SMARCAL1: variants seen among roughly 807,000 people sequenced by gnomAD.
SMARCAL1 encodes ATP-driven annealing helicase.
Under a neutral mutation model 94.5 loss-of-function variants are expected in SMARCAL1, and 58 were observed. That is an observed-to-expected ratio of 0.61 (90% CI 0.50 to 0.76). SMARCAL1 has a LOEUF of 0.76. SMARCAL1 is among the 30% of genes least tolerant of loss of function. The pLI is 0.00. For synonymous variants in SMARCAL1, 422 were observed against 455.1 expected, an observed-to-expected ratio of 0.93 and a Z score of 0.93; for missense variants, 1,051 against 1,177.9, an observed-to-expected ratio of 0.89 and a Z score of 1.58.
intron 12 of SMARCAL1, chr2:216,451,567 G>A (rs1366417260): frequency 2.3e-5 from 4 of 171,448 alleles, no homozygotes; most frequent in Non-Finnish European, 5.1e-5. Flanking sequence ...GGCATTTATG[G>A]TTGGCAGGAA....
chr2:216,456,049 G>A (rs1044150572), intron 12 of SMARCAL1, among the ~76,000 whole-genome samples: 17 of 152,194 alleles, frequency 1.1e-4, no homozygotes, highest in South Asian at 2.1e-4. Context: ...ACTACGTGAC[G>A]AATGCATAAG....
chr2:216,424,147 G>C (rs917387514), intron 6 of SMARCAL1, among the ~76,000 whole-genome samples: 15 of 152,156 alleles, frequency 9.9e-5, no homozygotes, highest in African/African-American at 3.6e-4. Flanking sequence ...TTCTGTTTGG[G>C]GCAGAAGTCA....
At position 216,447,113 on chromosome 2, in the gene SMARCAL1, C is replaced by A; in HGVS notation, c.1806C>A (p.Phe602Leu). ...TCATCGCAGTCAAGCCAACTTTCTTCCCCCAGTTTCATGCCTTTGGACTTC... is the reference window on the plus strand; with the variant it reads ...TCATCGCAGTCAAGCCAACTTTCTTACCCCAGTTTCATGCCTTTGGACTTC... ...TQIIAVKPTFFPQFHAFGLRY... is the reference protein window; with the variant it reads ...TQIIAVKPTFLPQFHAFGLRY... The change falls in exon 11 of 18, where the codon TTC becomes TTA. Residue 602 changes from phenylalanine (F) to leucine (L), a missense_variant. Coordinates refer to ENST00000357276, the MANE Select transcript of SMARCAL1 (RefSeq NM_014140.4). The A allele has an allele frequency of 6.2e-7, 1 of 1,614,070 alleles. No individual in the cohort carries two copies. The highest frequency in any genetic ancestry group is 8.5e-7 in the Non-Finnish European group (1 of 1,180,026).
chr2:216,471,718 G>A (rs183862110), intron 14 of SMARCAL1, among the ~76,000 whole-genome samples: 3 of 152,194 alleles, frequency 2.0e-5, no homozygotes, highest in Non-Finnish European at 4.4e-5. Flanking sequence ...AGTAAATTAA[G>A]GCGTGCACTC....
At chr2:216,420,567 T>C (rs1693697816) in intron 5 of SMARCAL1, 35 bp downstream of exon 5, 1 of 1,515,348 alleles carries the variant, frequency 6.6e-7, no homozygotes, top group East Asian at 2.3e-5. Context: ...TCCCAGAATG[T>C]GTAGTGGTCT....
chr2:216,426,152 G>A (rs555499018), intron 6 of SMARCAL1, among the ~76,000 whole-genome samples: 6 of 152,286 alleles, frequency 3.9e-5, no homozygotes, highest in East Asian at 1.9e-4. Flanking sequence ...GTGAGCCACC[G>A]TGCCCAGCCA....
Position 216,459,873 on chromosome 2 carries a change from G to T in SMARCAL1, c.2071-4724G>T, listed in dbSNP as rs1226264806. 6.6e-5 allele frequency among the ~76,000 whole-genome samples: 10 copies of T among 152,206 alleles called. No homozygotes were observed. In the South Asian group the frequency reaches 1.0e-3, roughly 16 times the overall value. ...ACTAAAGAGCTTCTGCACAGCAAAA[G>T]AAACTACCATCAGAGTGAACAGGAA... On this transcript the variant is annotated intron_variant, in intron 12 of 17. Transcript: ENST00000357276.
chr2:216,416,648 C>A (rs2106016725), intron 4 of SMARCAL1, among the ~76,000 whole-genome samples: 1 of 152,308 alleles, frequency 6.6e-6, no homozygotes, highest in African/African-American at 2.4e-5. Flanking sequence ...GTCACATAGC[C>A]AATAAGTTGT....
At chr2:216,468,110 CT>C in intron 14 of SMARCAL1, 64 bp downstream of exon 14, 2 of 1,143,776 alleles carry the variant, frequency 1.7e-6, no homozygotes, top group African/African-American at 1.5e-5. Context: ...TCTAAGCAGG[CT>C]TAGGTCAGAT....
At chr2:216,481,217 G>A (rs1020832491) in intron 17 of SMARCAL1, among the ~76,000 whole-genome samples, 1 of 151,994 alleles carries the variant, frequency 6.6e-6, no homozygotes, top group Non-Finnish European at 1.5e-5. Context: ...TTTAGAGACA[G>A]GGTCTCACTC....
At chr2:216,424,157 A>G (rs1043516411) in intron 6 of SMARCAL1, among the ~76,000 whole-genome samples, 2 of 152,222 alleles carry the variant, frequency 1.3e-5, no homozygotes, top group Non-Finnish European at 2.9e-5. Flanking sequence ...GGCAGAAGTC[A>G]AGGCCAGGGA....
intron 14 of SMARCAL1, among the ~76,000 whole-genome samples, chr2:216,471,235 T>C (rs1307242663): frequency 6.6e-6 from 1 of 152,206 alleles, no homozygotes; most frequent in East Asian, 1.9e-4. Context: ...CAATGAACAA[T>C]AGCTGATCAC....
At chr2:216,462,726 C>T (rs1694731434) in intron 12 of SMARCAL1, among the ~76,000 whole-genome samples, 1 of 152,092 alleles carries the variant, frequency 6.6e-6, no homozygotes, top group African/African-American at 2.4e-5. Flanking sequence ...TGGCTCATGC[C>T]TGTAATCCCA....
chr2:216,428,926 C>T, intron 7 of SMARCAL1, 144 bp downstream of exon 7: 1 of 771,094 alleles, frequency 1.3e-6, no homozygotes, highest in African/African-American at 1.7e-5. Flanking sequence ...ATTAAACAGC[C>T]AGGTGTGCTG....
intron 12 of SMARCAL1, among the ~76,000 whole-genome samples, chr2:216,463,605 T>C (rs1372595359): frequency 6.6e-6 from 1 of 152,166 alleles, no homozygotes; most frequent in Non-Finnish European, 1.5e-5. Context: ...TATTATGAAA[T>C]GATTTGAGCA....
At chr2:216,450,711 C>T (rs1483406533) in intron 11 of SMARCAL1, 135 bp from the exon 12 acceptor site, 15 of 656,198 alleles carry the variant, frequency 2.3e-5, no homozygotes, top group Non-Finnish European at 3.6e-5. Flanking sequence ...TTTATTTGTC[C>T]CTGTAAGTCA....
chr2:216,434,851 A>ATC, intron 8 of SMARCAL1, among the ~76,000 whole-genome samples: 1 of 117,374 alleles, frequency 8.5e-6, no homozygotes, highest in East Asian at 2.4e-4. Context: ...ACAACTCTCT[A>ATC]TTTTTTTTTT....
At chr2:216,477,719 G>A (rs1695118473) in intron 16 of SMARCAL1, among the ~76,000 whole-genome samples, 2 of 152,080 alleles carry the variant, frequency 1.3e-5, no homozygotes, top group South Asian at 4.1e-4. Flanking sequence ...TTTTCTGTCT[G>A]TTACCTAAGT....
At chr2:216,471,672 CTTGTACAT>C (rs1447702802) in intron 14 of SMARCAL1, among the ~76,000 whole-genome samples, 5 of 152,130 alleles carry the variant, frequency 3.3e-5, no homozygotes, top group Non-Finnish European at 1.5e-5. Flanking sequence ...CTATGATTCT[CTTGTACAT>C]TTGTACATTT....
Sources: allele counts gnomAD v4.1 joint callset (sites outside exome capture counted in the v4.1 genomes callset), GRCh38; gene constraint gnomAD v4.1.1; transcripts MANE v1.5; gene names NCBI Gene and HGNC (gene_info 2026-07-23, HGNC 2026-07-21).